The following SH3GL2 variants were observed in gnomAD, a reference collection of about 807,000 sequenced individuals.
The protein encoded by SH3GL2 is SH3 domain containing GRB2 like 2, endophilin A1.
Under a neutral mutation model 46.0 loss-of-function variants are expected in SH3GL2, and 24 were observed. The ratio of observed to expected loss-of-function variants is 0.52; its 90% confidence interval spans 0.38 to 0.73. The LOEUF (loss-of-function observed/expected upper bound fraction) is 0.73. Ranked by LOEUF, SH3GL2 falls within the 30% of genes least tolerant of loss-of-function variation. The pLI, the probability that SH3GL2 is intolerant of heterozygous loss-of-function variation, is 0.00. For missense variants in SH3GL2, 413 were observed against 424.2 expected, an observed-to-expected ratio of 0.97 and a Z score of 0.23; for synonymous variants, 196 against 147.1, an observed-to-expected ratio of 1.33 and a Z score of -2.40.
intron 1 of SH3GL2, among the ~76,000 whole-genome samples, chr9:17,690,202 C>G (rs970054304): frequency 5.3e-5 from 8 of 152,202 alleles, no homozygotes; most frequent in African/African-American, 1.9e-4. Context: ...AGGTGCCTGG[C>G]AAAAAGAAGT....
intron 1 of SH3GL2, among the ~76,000 whole-genome samples, chr9:17,728,184 C>T (rs1331145902): frequency 6.6e-6 from 1 of 152,078 alleles, no homozygotes; most frequent in Non-Finnish European, 1.5e-5. Context: ...ACTTTTCATT[C>T]TTTAGGAACC....
At chr9:17,695,341 T>G (rs1049190764) in intron 1 of SH3GL2, among the ~76,000 whole-genome samples, 1 of 152,156 alleles carries the variant, frequency 6.6e-6, no homozygotes, top group African/African-American at 2.4e-5. Context: ...AGCCTCTGCT[T>G]CATACACAGT....
At chr9:17,580,352 A>G (rs938511909) in intron 1 of SH3GL2, among the ~76,000 whole-genome samples, 1 of 152,194 alleles carries the variant, frequency 6.6e-6, no homozygotes, top group Non-Finnish European at 1.5e-5. Context: ...TTCCTAGGCT[A>G]CCACAGTGGC....
At chr9:17,768,148 G>T (rs138558074) in intron 3 of SH3GL2, among the ~76,000 whole-genome samples, 259 of 152,108 alleles carry the variant, frequency 1.7e-3, no homozygotes, top group Non-Finnish European at 2.9e-3. Context: ...GAGGTGGGCG[G>T]ATCACGAGAT....
chr9:17,672,098 A>T (rs991267841), intron 1 of SH3GL2, among the ~76,000 whole-genome samples: 16 of 152,186 alleles, frequency 1.1e-4, no homozygotes, highest in African/African-American at 3.9e-4. Flanking sequence ...TTTTGTTTTG[A>T]CCTAAATCTA....
At chr9:17,698,819 C>G (rs1341230809) in intron 1 of SH3GL2, among the ~76,000 whole-genome samples, 1 of 152,030 alleles carries the variant, frequency 6.6e-6, no homozygotes, top group East Asian at 1.9e-4. Flanking sequence ...TTTCTTTTAG[C>G]TTTTGTTCTT....
intron 1 of SH3GL2, among the ~76,000 whole-genome samples, chr9:17,603,394 A>G (rs1230806901): frequency 2.0e-5 from 3 of 152,194 alleles, no homozygotes; most frequent in Admixed American, 1.3e-4. Flanking sequence ...ATAAAAAGCC[A>G]AAGACTCTGT....
chr9:17,620,638 A>T (rs1819116508), intron 1 of SH3GL2, among the ~76,000 whole-genome samples: 1 of 152,164 alleles, frequency 6.6e-6, no homozygotes, highest in African/African-American at 2.4e-5. Context: ...CAAATTGGTC[A>T]AGCAGTCCAG....
At chr9:17,582,051 G>A (rs1439854459) in intron 1 of SH3GL2, among the ~76,000 whole-genome samples, 1 of 152,074 alleles carries the variant, frequency 6.6e-6, no homozygotes, top group Non-Finnish European at 1.5e-5. Flanking sequence ...GAGCTTTTTT[G>A]CTTGTGTTAG....
chr9:17,731,656 C>G (rs1180527284), intron 1 of SH3GL2, among the ~76,000 whole-genome samples: 2 of 152,070 alleles, frequency 1.3e-5, no homozygotes, highest in East Asian at 3.9e-4. Flanking sequence ...TTAAGCTTAC[C>G]CGGTCTCTGG....
At chr9:17,778,621 C>T (rs1341162414) in intron 3 of SH3GL2, among the ~76,000 whole-genome samples, 1 of 152,028 alleles carries the variant, frequency 6.6e-6, no homozygotes, top group East Asian at 1.9e-4. Flanking sequence ...CTAAATAGGA[C>T]TGTCCTTACT....
chr9:17,589,871 C>G (rs1023011225), intron 1 of SH3GL2: 1 of 152,232 alleles, frequency 6.6e-6, no homozygotes, highest in Non-Finnish European at 1.5e-5. Flanking sequence ...CCGTTAGCCC[C>G]ATGCTCTTTG....
intron 2 of SH3GL2, among the ~76,000 whole-genome samples, chr9:17,752,120 A>T (rs1822864709): frequency 6.6e-6 from 1 of 152,186 alleles, no homozygotes; most frequent in Non-Finnish European, 1.5e-5. Context: ...CTTTCTGAAA[A>T]CATAAGATAA....
chr9:17,605,122 A>G (rs1427636279), intron 1 of SH3GL2, among the ~76,000 whole-genome samples: 2 of 151,724 alleles, frequency 1.3e-5, no homozygotes, highest in African/African-American at 4.8e-5. Flanking sequence ...ACAGGCATTC[A>G]CCACCATGCC....
At chr9:17,590,778 GTTTTA>G (rs764203903) in intron 1 of SH3GL2, 2 of 152,134 alleles carry the variant, frequency 1.3e-5, no homozygotes. Context: ...ATTCATTTTT[GTTTTA>G]TTTTGTTTTT....
intron 1 of SH3GL2, among the ~76,000 whole-genome samples, chr9:17,683,228 A>G (rs1471307981): frequency 1.3e-5 from 2 of 152,254 alleles, no homozygotes; most frequent in South Asian, 4.1e-4. Context: ...AGGAGAATTC[A>G]GTTACATGCA....
intron 1 of SH3GL2, among the ~76,000 whole-genome samples, chr9:17,637,487 A>G (rs1053128581): frequency 1.3e-5 from 2 of 152,204 alleles, no homozygotes; most frequent in African/African-American, 4.8e-5. Context: ...TCCTATAGCT[A>G]GGAACTGTGT....
chr9:17,712,181 A>G (rs1821643626), intron 1 of SH3GL2, among the ~76,000 whole-genome samples: 1 of 151,498 alleles, frequency 6.6e-6, no homozygotes, highest in South Asian at 2.1e-4. Flanking sequence ...GTTTCTTTAG[A>G]TTTGAGAATT....
At chr9:17,754,201 C>T (rs1321346736) in intron 2 of SH3GL2, among the ~76,000 whole-genome samples, 1 of 151,998 alleles carries the variant, frequency 6.6e-6, no homozygotes, top group African/African-American at 2.4e-5. Flanking sequence ...AGTACTTTTT[C>T]CTAGTTCTGC....
Sources: allele counts gnomAD v4.1 joint callset (sites outside exome capture counted in the v4.1 genomes callset), GRCh38; gene constraint gnomAD v4.1.1; transcripts MANE v1.5; gene names NCBI Gene and HGNC (gene_info 2026-07-23, HGNC 2026-07-21).